The following DENND5B variants were observed in gnomAD, a reference collection of about 807,000 sequenced individuals.
The protein encoded by DENND5B is DENN domain containing 5B.
In DENND5B, 34 loss-of-function variants were observed where a neutral mutation model predicts 140.6. That is an observed-to-expected ratio of 0.24 (90% confidence interval 0.18 to 0.32). The LOEUF is 0.32. Among genes scored for constraint, DENND5B ranks in the 10% least tolerant of loss-of-function variants. The pLI, the probability that DENND5B is intolerant of heterozygous loss-of-function variation, is 1.00. For missense variants in DENND5B, 1,142 were observed against 1,560.2 expected, an observed-to-expected ratio of 0.73 and a Z score of 4.52; for synonymous variants, 551 against 562.1, an observed-to-expected ratio of 0.98 and a Z score of 0.28.
chr12:31,424,307 G>A (rs1420274192), intron 10 of DENND5B, among the ~76,000 whole-genome samples: 1 of 152,138 alleles, frequency 6.6e-6, no homozygotes, highest in Non-Finnish European at 1.5e-5. Context: ...TACAGCCTCT[G>A]CAATGATGTG....
At chr12:31,529,148 G>C (rs985568720) in intron 1 of DENND5B, among the ~76,000 whole-genome samples, 3 of 135,358 alleles carry the variant, frequency 2.2e-5, no homozygotes, top group Non-Finnish European at 4.6e-5. Context: ...GCGCAACAGA[G>C]CGAAACTCTG....
chr12:31,447,388 A>C, intron 6 of DENND5B, 150 bp downstream of exon 6: 1 of 679,906 alleles, frequency 1.5e-6, no homozygotes, highest in Non-Finnish European at 2.4e-6. Flanking sequence ...ACTCAGAAAG[A>C]AAAATTTACA....
chr12:31,405,208 G>A (rs1942054284), intron 14 of DENND5B, among the ~76,000 whole-genome samples: 1 of 151,060 alleles, frequency 6.6e-6, no homozygotes, highest in African/African-American at 2.4e-5. Context: ...TGGCCTGATT[G>A]TAAAATTTTA....
At position 31,442,769 on chromosome 12, in the gene DENND5B, G is replaced by A. The variant is rs900775626; in HGVS notation, c.2012+6C>T. 1.2e-6 allele frequency: 2 copies of A among 1,612,154 alleles called. No individual in the cohort carries two copies. Among genetic ancestry groups the A allele is most frequent in the Non-Finnish European group, 1.7e-6 (2 of 1,179,166 alleles). On this transcript the variant is annotated splice_donor_region_variant and intron_variant, in intron 7 of 20. Transcript: ENST00000389082. The stretch of plus-strand genomic sequence containing the variant: ...AACCAACTACTCAAGTGAAGAACAT[G>A]CTTACTTGTTACTGGTTGGTCCTGT...
At chr12:31,411,887 T>A (rs76970913) in intron 13 of DENND5B, among the ~76,000 whole-genome samples, 1,722 of 152,356 alleles carry the variant, frequency 0.011, 19 homozygotes, top group East Asian at 0.031. Context: ...TGCCTAACTT[T>A]GCTCCTTAGA....
At chr12:31,447,487 A>C in intron 6 of DENND5B, 51 bp downstream of exon 6, 1 of 1,503,510 alleles carries the variant, frequency 6.7e-7, no homozygotes, top group Non-Finnish European at 9.0e-7. Flanking sequence ...AATTTGTGGG[A>C]AAAAAGCGAT....
At chr12:31,469,767 C>T (rs1451026247) in intron 3 of DENND5B, among the ~76,000 whole-genome samples, 2 of 152,052 alleles carry the variant, frequency 1.3e-5, no homozygotes, top group African/African-American at 4.8e-5. Context: ...AGTAGTTTTT[C>T]ACTCTTACTT....
rs557205813 is a variant in DENND5B, at chr12:31,448,220, C to T, written c.1630-451G>A. 9.2e-5 allele frequency among the ~76,000 whole-genome samples: 14 copies of T among 152,130 alleles called. No individual in the cohort carries two copies. In the South Asian group the frequency reaches 1.2e-3, roughly 14 times the overall value. ...ACGATCTCGGCTCACTGCAAGCTCC[C>T]GCCTCCCGGGTTCATGCCATTCTCC... is the stretch of plus-strand genomic sequence containing the variant. On this transcript the variant is annotated intron_variant, in intron 5 of 20. Transcript: ENST00000389082.
intron 1 of DENND5B, among the ~76,000 whole-genome samples, chr12:31,585,851 T>C (rs554544162): frequency 5.3e-5 from 8 of 152,334 alleles, no homozygotes; most frequent in Non-Finnish European, 8.8e-5. Context: ...CAAAGTTCTA[T>C]GGCAGAGATC....
At chr12:31,393,318 G>A (rs1941250784) in intron 17 of DENND5B, among the ~76,000 whole-genome samples, 1 of 152,138 alleles carries the variant, frequency 6.6e-6, no homozygotes, top group African/African-American at 2.4e-5. Flanking sequence ...TAAAATAAGG[G>A]GAAGATGCCA....
intron 1 of DENND5B, among the ~76,000 whole-genome samples, chr12:31,578,966 A>G (rs1257235096): frequency 2.6e-5 from 4 of 152,222 alleles, no homozygotes; most frequent in African/African-American, 9.7e-5. Flanking sequence ...ATGCCTCATA[A>G]ATGTTAGCTA....
intron 7 of DENND5B, among the ~76,000 whole-genome samples, chr12:31,440,416 C>A (rs1943980382): frequency 6.6e-6 from 1 of 152,142 alleles, no homozygotes; most frequent in Non-Finnish European, 1.5e-5. Context: ...TGAAACCCTG[C>A]AAACTAAGGC....
chr12:31,413,339 C>A lies in DENND5B; in HGVS notation c.2681+97G>T. On this transcript the variant is annotated intron_variant, in intron 13 of 20. Coordinates refer to ENST00000389082, the MANE Select transcript of DENND5B (RefSeq NM_144973.4). ...AAGAATGCATGTGCACAGGATACAG[C>A]ACTTCATACTGAAGAAGCCAGTTTG... 2.1e-6 allele frequency: 3 copies of A among 1,433,388 alleles called. No homozygotes were observed. In the East Asian group the frequency reaches 6.9e-5, roughly 33 times the overall value. The allele number at this position is 1,433,388 out of a possible 1,614,324, so 88.8% of individuals were successfully genotyped here.
chr12:31,590,700 C>T lies in DENND5B; in HGVS notation c.127+6G>A. On this transcript the variant is annotated splice_donor_region_variant and intron_variant, in intron 1 of 20. Transcript: ENST00000389082. The stretch of plus-strand genomic sequence containing the variant: ...GGGCTCAGCGCCGCCGCAGCCCTGG[C>T]CTTACCCGCCAGCTCGTCAGGCTCC... 6.8e-7 allele frequency: 1 copy of T among 1,472,742 alleles called. No individual in the cohort carries two copies. The highest frequency in any genetic ancestry group is 8.9e-7 in the Non-Finnish European group (1 of 1,117,502). 91.2% of individuals were successfully genotyped at this position (1,472,742 alleles called of 1,614,324 possible).
At chr12:31,465,904 A>C (rs73082491) in intron 3 of DENND5B, 1 of 152,778 alleles carries the variant, frequency 6.5e-6, no homozygotes, top group Admixed American at 6.5e-5. Context: ...ACACCACCTA[A>C]GCCACCCAAC....
intron 1 of DENND5B, among the ~76,000 whole-genome samples, chr12:31,533,981 A>G (rs1229966979): frequency 6.6e-6 from 1 of 152,084 alleles, no homozygotes; most frequent in Non-Finnish European, 1.5e-5. Flanking sequence ...GGTAATGTAG[A>G]GAAGACAGAT....
intron 8 of DENND5B, among the ~76,000 whole-genome samples, chr12:31,430,023 T>G (rs933372456): frequency 3.3e-5 from 5 of 150,836 alleles, no homozygotes; most frequent in East Asian, 2.0e-4. Flanking sequence ...TTTTTGTTTG[T>G]TTGGTTTTTG....
chr12:31,497,710 T>C (rs1946812594), intron 1 of DENND5B, among the ~76,000 whole-genome samples: 1 of 140,512 alleles, frequency 7.1e-6, no homozygotes, highest in Admixed American at 7.5e-5. Context: ...GGTGGGCAGA[T>C]CACTTGAGAC....
intron 4 of DENND5B, among the ~76,000 whole-genome samples, chr12:31,458,330 C>T (rs546245125): frequency 3.3e-4 from 51 of 152,276 alleles, no homozygotes; most frequent in African/African-American, 9.6e-4. Flanking sequence ...GATTAACATA[C>T]AAAATAGATC....
Sources: allele counts gnomAD v4.1 joint callset (sites outside exome capture counted in the v4.1 genomes callset), GRCh38; gene constraint gnomAD v4.1.1; transcripts MANE v1.5; gene names NCBI Gene and HGNC (gene_info 2026-07-23, HGNC 2026-07-21).